TARS1: variants seen among roughly 807,000 people sequenced by gnomAD.
The protein encoded by TARS1 is threonyl-tRNA synthetase 1.
TARS1 carries 57 observed loss-of-function variants against 97.7 expected under a neutral mutation model. That is an observed-to-expected ratio of 0.58 (90% CI 0.47 to 0.73). The LOEUF (loss-of-function observed/expected upper bound fraction) is 0.73. TARS1 is among the 30% of genes least tolerant of loss of function. The pLI, the probability that TARS1 is intolerant of heterozygous loss-of-function variation, is 0.00. For synonymous variants in TARS1, 312 were observed against 293.7 expected, an observed-to-expected ratio of 1.06 and a Z score of -0.64; for missense variants, 806 against 888.3, an observed-to-expected ratio of 0.91 and a Z score of 1.18.
intron 1 of TARS1, among the ~76,000 whole-genome samples, chr5:33,444,055 GA>G (rs1485204624): frequency 6.6e-6 from 1 of 152,060 alleles, no homozygotes; most frequent in Non-Finnish European, 1.5e-5. Context: ...GTAAGCAATG[GA>G]ATATTATTTG....
intron 1 of TARS1, among the ~76,000 whole-genome samples, chr5:33,444,837 T>C (rs867395273): frequency 4.1e-4 from 63 of 152,354 alleles, no homozygotes; most frequent in African/African-American, 1.3e-3. Flanking sequence ...CTCACACATG[T>C]ATGCCTTACT....
chr5:33,444,054 G>A (rs1184073236), intron 1 of TARS1, among the ~76,000 whole-genome samples: 1 of 152,028 alleles, frequency 6.6e-6, no homozygotes, highest in East Asian at 1.9e-4. Context: ...AGTAAGCAAT[G>A]GAATATTATT....
intron 12 of TARS1, 26 bp downstream of exon 12, chr5:33,461,090 T>G (rs2111578345): frequency 6.2e-7 from 1 of 1,608,800 alleles, no homozygotes; most frequent in Non-Finnish European, 8.5e-7. Context: ...AATAAAATAC[T>G]TAGAAAGAAG....
chr5:33,454,296 G>A (rs1741906762), intron 4 of TARS1, among the ~76,000 whole-genome samples: 1 of 152,148 alleles, frequency 6.6e-6, no homozygotes, highest in African/African-American at 2.4e-5. Context: ...AATGTATTTT[G>A]GAGCCCTCAA....
intron 18 of TARS1, among the ~76,000 whole-genome samples, 183 bp downstream of exon 18, chr5:33,467,168 GTTTT>G: frequency 6.9e-6 from 1 of 144,340 alleles, no homozygotes; most frequent in African/African-American, 2.5e-5. Context: ...TACATACTGG[GTTTT>G]TTTTTTTTTC....
chr5:33,448,752 G>C, intron 3 of TARS1, 21 bp downstream of exon 3: 1 of 1,547,468 alleles, frequency 6.5e-7, no homozygotes, highest in South Asian at 1.3e-5. Context: ...CACCCATCAT[G>C]ACCTTCCATA....
intron 3 of TARS1, 82 bp downstream of exon 3, chr5:33,448,813 TATA>T (rs1242022492): frequency 8.7e-7 from 1 of 1,142,960 alleles, no homozygotes; most frequent in African/African-American, 1.6e-5. Context: ...GTTTTATTCT[TATA>T]ATATTTTTAT....
intron 17 of TARS1, 37 bp downstream of exon 17, chr5:33,463,862 T>G: frequency 6.4e-7 from 1 of 1,561,796 alleles, no homozygotes; most frequent in Non-Finnish European, 8.8e-7. Context: ...CAATTTAACA[T>G]CTGTTGTTCA....
Position 33,446,828 on chromosome 5 carries a change from G to A in TARS1, c.138+1424G>A, listed in dbSNP as rs1451373587. Reference sequence around the variant, plus strand: ...CTGGGTACTGTGCATTAGTCTGAGGGGTTCAGATTATGGTTGTAGAATGAC... The same window carrying A: ...CTGGGTACTGTGCATTAGTCTGAGGAGTTCAGATTATGGTTGTAGAATGAC... On this transcript the variant is annotated intron_variant, in intron 2 of 18. Coordinates refer to ENST00000265112, the MANE Select transcript of TARS1 (RefSeq NM_152295.5). 1.1e-5 allele frequency: 11 copies of A among 1,026,198 alleles called. No homozygotes were observed. The Admixed American group carries it at 1.6e-4, about 15-fold the overall frequency. The allele number at this position is 1,026,198 out of a possible 1,614,324, so 63.6% of individuals were successfully genotyped here. A position where few individuals can be genotyped will look rare whatever the true frequency, so the allele number is the denominator to read the frequency against.
chr5:33,445,437 C>CA (rs1741365688), intron 2 of TARS1, 33 bp downstream of exon 2: 2 of 1,584,934 alleles, frequency 1.3e-6, no homozygotes, highest in South Asian at 2.2e-5. Flanking sequence ...GCTCTGTTAT[C>CA]AGAGGTTGGC....
At chr5:33,447,772 A>T (rs1741493533) in intron 2 of TARS1, among the ~76,000 whole-genome samples, 2 of 152,206 alleles carry the variant, frequency 1.3e-5, no homozygotes, top group African/African-American at 4.8e-5. Context: ...TTTTGTATGA[A>T]GTGTTAATGT....
At position 33,457,868 on chromosome 5, in the gene TARS1, AAG is replaced by A. The variant is rs142589092; in HGVS notation, c.984+466_984+467del. Among the ~76,000 whole-genome samples the A allele has an allele frequency of 6.2e-3, 941 of 152,308 alleles. 14 individuals are homozygous for A. Among genetic ancestry groups the A allele is most frequent in the African/African-American group, 0.022 (916 of 41,560 alleles). On this transcript the variant is annotated intron_variant, in intron 9 of 18. Coordinates refer to ENST00000265112, the MANE Select transcript of TARS1 (RefSeq NM_152295.5). ...TACTGCTGAATGTCCTCTAAACTGGAAGTTAGGCTAGATAAAACATTCCCCCT... is the reference window on the plus strand; with the variant it reads ...TACTGCTGAATGTCCTCTAAACTGGATTAGGCTAGATAAAACATTCCCCCT...
At chr5:33,446,806 G>T (rs1258254463) in intron 2 of TARS1, 2 of 1,207,968 alleles carry the variant, frequency 1.7e-6, no homozygotes, top group Non-Finnish European at 2.2e-6. Context: ...GATGGAACTG[G>T]GTACTGTGCA....
chr5:33,463,615 G>T, intron 16 of TARS1, 138 bp from the exon 17 acceptor site: 1 of 699,748 alleles, frequency 1.4e-6, no homozygotes, highest in Non-Finnish European at 2.4e-6. Flanking sequence ...TTCATTTTGG[G>T]GTTTTTTAAA....
intron 16 of TARS1, 24 bp from the exon 17 acceptor site, chr5:33,463,729 G>A (rs1378860766): frequency 5.0e-6 from 8 of 1,598,812 alleles, no homozygotes; most frequent in Middle Eastern, 1.6e-4. Flanking sequence ...CATCTACACT[G>A]AATATTTTTA....
intron 11 of TARS1, 134 bp downstream of exon 11, chr5:33,459,995 G>C: frequency 1.3e-6 from 1 of 786,520 alleles, no homozygotes; most frequent in South Asian, 2.6e-5. Flanking sequence ...CAACATCTTT[G>C]TATTATATCT....
rs953839177 is a variant in TARS1, at chr5:33,460,659, A to G, written c.1251-243A>G. Among the ~76,000 whole-genome samples the G allele has an allele frequency of 6.0e-4, 92 of 152,208 alleles. 1 individual carries two copies. Among genetic ancestry groups the G allele is most frequent in the African/African-American group, 2.1e-3 (88 of 41,446 alleles). On this transcript the variant is annotated intron_variant, in intron 11 of 18. Transcript: ENST00000265112. ...AACCAAGTTCATTCTTAATTTTCCCAGATTCTTCAGTTGTTGGAATACGTT... is the reference window on the plus strand; with the variant it reads ...AACCAAGTTCATTCTTAATTTTCCCGGATTCTTCAGTTGTTGGAATACGTT...
chr5:33,454,925 A>T lies in TARS1; in HGVS notation c.454-20A>T. On this transcript the variant is annotated intron_variant, in intron 4 of 18. Transcript: ENST00000265112. ...TGTATGCCAAGACTCAGACCATGCC[A>T]TTTTTCTTTAAATTTTCAGGTGTAT... 1 of 1,611,948 alleles carries T rather than the reference A, an allele frequency of 6.2e-7. No homozygotes were observed. Among genetic ancestry groups the T allele is most frequent in the Non-Finnish European group, 8.5e-7 (1 of 1,178,998 alleles).
At chr5:33,461,104 C>T in intron 12 of TARS1, 40 bp downstream of exon 12, 1 of 1,605,774 alleles carries the variant, frequency 6.2e-7, no homozygotes, top group Non-Finnish European at 8.5e-7. Flanking sequence ...AAAGAAGAGT[C>T]AAGAAAGTCA....
Sources: allele counts gnomAD v4.1 joint callset (sites outside exome capture counted in the v4.1 genomes callset), GRCh38; gene constraint gnomAD v4.1.1; transcripts MANE v1.5; gene names NCBI Gene and HGNC (gene_info 2026-07-23, HGNC 2026-07-21).